Variants in CPEB2 observed in about 807,000 individuals in gnomAD.
CPEB2 encodes the protein cytoplasmic polyadenylation element binding protein 2.
CPEB2 carries 56 observed loss-of-function variants against 93.6 expected under a neutral mutation model. The observed-to-expected ratio is 0.60, with a 90% CI of 0.48 to 0.75. CPEB2 has a LOEUF of 0.75. Ranked by LOEUF, CPEB2 falls within the 30% of genes least tolerant of loss-of-function variation. The pLI is 0.00. For missense variants in CPEB2, 1,579 were observed against 1,395.1 expected, an observed-to-expected ratio of 1.13 and a Z score of -2.10; for synonymous variants, 764 against 586.3, an observed-to-expected ratio of 1.30 and a Z score of -4.38.
In CPEB2 at chr4:15,011,856, C is replaced by A. The variant is rs575958751; in HGVS notation, c.2034+3429C>A. Among the ~76,000 whole-genome samples the A allele has an allele frequency of 2.0e-3, 309 of 152,210 alleles. 1 individual carries two copies. Among genetic ancestry groups the A allele is most frequent in the Non-Finnish European group, 3.5e-3 (239 of 68,006 alleles). On this transcript the variant is annotated intron_variant, in intron 3 of 11. Transcript: ENST00000538197. The stretch of plus-strand genomic sequence containing the variant: ...GCCTGCCTTCCACCTGGGGAATTAT[C>A]AATATATCAACTCTCAATTTTTGCT...
Position 15,004,287 on chromosome 4 carries a change from G to T in CPEB2, c.1614G>T (p.Ala538=). The T allele has an allele frequency of 6.7e-7, 1 of 1,493,774 alleles. No homozygotes were observed. The highest frequency in any genetic ancestry group is 8.9e-7 in the Non-Finnish European group (1 of 1,129,576). 92.5% of individuals were successfully genotyped at this position (1,493,774 alleles called of 1,614,324 possible). The change falls in exon 1 of 12, where the codon GCG becomes GCT. Residue 538 remains alanine (A), a synonymous_variant. Transcript: ENST00000538197. ...VSPQLQQQHQ[A]AAAAFLQQRN... is the part of the protein sequence containing the mutation. Reference sequence around the variant, plus strand: ...CGCAGCTCCAGCAGCAGCACCAGGCGGCGGCCGCCGCCTTCCTGCAGCAGA... The same window carrying T: ...CGCAGCTCCAGCAGCAGCACCAGGCTGCGGCCGCCGCCTTCCTGCAGCAGA...
At position 15,007,413 on chromosome 4, in the gene CPEB2, A is replaced by G. The variant is rs1259151468; in HGVS notation, c.1771A>G (p.Met591Val). 1.5e-5 allele frequency: 24 copies of G among 1,614,148 alleles called. No individual in the cohort carries two copies. The highest frequency in any genetic ancestry group is 1.9e-5 in the Non-Finnish European group (23 of 1,179,978). Residue 591 changes from methionine to valine, a missense_variant, in exon 2 of 12, where the codon ATG becomes GTG. Transcript: ENST00000538197. ...HGRDHRRTGN[M>V]GIPGTMNQIS... is the part of the protein sequence containing the mutation. ...CAGAGATCATCGTAGAACCGGAAAC[A>G]TGGGAATCCCAGGAACTATGAATCA... is the stretch of plus-strand genomic sequence containing the variant.
rs1727960376 is a variant in CPEB2 at position 15,048,839 on chromosome 4, A to G, written c.2201-3575A>G. Among the ~76,000 whole-genome samples, 3 of 152,074 alleles carry G rather than the reference A, an allele frequency of 2.0e-5. No individual in the cohort carries two copies. In the South Asian group the frequency reaches 6.2e-4, roughly 31 times the overall value. Reference sequence around the variant, plus strand: ...TATCCTTCTTAGAAAGCATGTTTAAAGTATACTACAGTGGTAGATATAACT... The same window carrying G: ...TATCCTTCTTAGAAAGCATGTTTAAGGTATACTACAGTGGTAGATATAACT... On this transcript the variant is annotated intron_variant, in intron 6 of 11. Coordinates refer to ENST00000538197, the MANE Select transcript of CPEB2 (RefSeq NM_001177382.2).
At position 15,003,556 on chromosome 4, in the gene CPEB2, G is replaced by T; in HGVS notation, c.883G>T (p.Glu295Ter). ...TPAAGEGSAA[E>*]SPNAGLASST... ...AGCCGCGGGCGAGGGCAGCGCCGCC[G>T]AGTCCCCCAATGCGGGCTTGGCCTC... Residue 295 changes from glutamate (E) to a stop codon, truncating the protein, a stop_gained, in exon 1 of 12, where the codon GAG becomes TAG. Transcript: ENST00000538197. LOFTEE classifies it high-confidence loss of function. The T allele has an allele frequency of 6.9e-7, 1 of 1,458,524 alleles. No individual in the cohort carries two copies. The highest frequency in any genetic ancestry group is 9.0e-7 in the Non-Finnish European group (1 of 1,108,154). The allele number at this position is 1,458,524 out of a possible 1,614,324, so 90.3% of individuals were successfully genotyped here.
rs140017645 is a variant in CPEB2, at chr4:15,055,461, C to A, written c.2461+1244C>A. On this transcript the variant is annotated intron_variant, in intron 8 of 11. Transcript: ENST00000538197. Reference sequence around the variant, plus strand: ...CTCTCTTGCCATTTCATAAAGTTTACTTTATAAATGCCATTTTTATTGAAT... The same window carrying A: ...CTCTCTTGCCATTTCATAAAGTTTAATTTATAAATGCCATTTTTATTGAAT... Among the ~76,000 whole-genome samples, 656 of 152,232 alleles carry A rather than the reference C, an allele frequency of 4.3e-3. 5 individuals are homozygous for A. Among genetic ancestry groups the A allele is most frequent in the African/African-American group, 0.015 (614 of 41,548 alleles).
chr4:15,007,209 T>C, intron 1 of CPEB2, 96 bp from the exon 2 acceptor site: 2 of 1,038,728 alleles, frequency 1.9e-6, no homozygotes, highest in Non-Finnish European at 2.7e-6. Flanking sequence ...CCTTTATATA[T>C]TTCATTCATA....
At chr4:15,045,215 A>C (rs1235703107) in intron 6 of CPEB2, among the ~76,000 whole-genome samples, 1 of 152,162 alleles carries the variant, frequency 6.6e-6, no homozygotes, top group Non-Finnish European at 1.5e-5. Context: ...AGAACCTTTA[A>C]TTAGAATCTC....
chr4:15,054,689 G>A (rs920735689), intron 8 of CPEB2, among the ~76,000 whole-genome samples: 16 of 152,094 alleles, frequency 1.1e-4, no homozygotes, highest in African/African-American at 3.4e-4. Context: ...GGAAGACACC[G>A]TGGCTGATCA....
chr4:15,061,615 G>A (rs1364455713), intron 10 of CPEB2, among the ~76,000 whole-genome samples: 1 of 151,296 alleles, frequency 6.6e-6, no homozygotes, highest in Admixed American at 6.6e-5. Flanking sequence ...TGGTTGTAAA[G>A]GGGAACAGAG....
chr4:15,050,142 G>T (rs2109074379), intron 6 of CPEB2, among the ~76,000 whole-genome samples: 2 of 152,346 alleles, frequency 1.3e-5, no homozygotes, highest in South Asian at 4.1e-4. Flanking sequence ...CCACACAGCA[G>T]GAGGTGAGTG....
chr4:15,065,560 A>G lies in CPEB2; in HGVS notation c.2878-593A>G, dbSNP rs569064792. On this transcript the variant is annotated intron_variant, in intron 11 of 11. Transcript: ENST00000538197. ...TTATTCCCACTTGACAGATGTGGAA[A>G]CTGAGGTGGAGAAGTTTATCATTCA... Among the ~76,000 whole-genome samples, 3 of 152,246 alleles carry G rather than the reference A, an allele frequency of 2.0e-5. No individual in the cohort carries two copies. In the South Asian group the frequency reaches 6.2e-4, roughly 32 times the overall value.
At chr4:15,039,063 A>G (rs780347574) in intron 5 of CPEB2, among the ~76,000 whole-genome samples, 1 of 152,200 alleles carries the variant, frequency 6.6e-6, no homozygotes, top group Non-Finnish European at 1.5e-5. Flanking sequence ...TATATAGGTC[A>G]GGTAAGCTAT....
chr4:15,036,997 T>C (rs1726672773), intron 5 of CPEB2, among the ~76,000 whole-genome samples: 1 of 152,058 alleles, frequency 6.6e-6, no homozygotes, highest in African/African-American at 2.4e-5. Flanking sequence ...TTCTTTTGGG[T>C]CTTGAAAAGG....
intron 4 of CPEB2, among the ~76,000 whole-genome samples, chr4:15,024,329 A>G (rs868052319): frequency 6.6e-6 from 1 of 152,118 alleles, no homozygotes; most frequent in Admixed American, 6.6e-5. Flanking sequence ...CTAATGGGAC[A>G]TACATTTTGA....
chr4:15,042,239 A>G (rs1727255288), intron 6 of CPEB2, among the ~76,000 whole-genome samples: 1 of 152,174 alleles, frequency 6.6e-6, no homozygotes. Flanking sequence ...TCATGTAAAT[A>G]TCATGACCTA....
intron 4 of CPEB2, among the ~76,000 whole-genome samples, chr4:15,022,915 G>C (rs1368023396): frequency 6.6e-6 from 1 of 151,958 alleles, no homozygotes; most frequent in Non-Finnish European, 1.5e-5. Flanking sequence ...ATCATGGATG[G>C]AGATAAGTTT....
At chr4:15,011,507 T>C (rs1481089861) in intron 3 of CPEB2, among the ~76,000 whole-genome samples, 1 of 152,130 alleles carries the variant, frequency 6.6e-6, no homozygotes, top group East Asian at 1.9e-4. Flanking sequence ...TTCTAAATTA[T>C]ATTACAATGG....
At chr4:15,042,358 C>A (rs1463146655) in intron 6 of CPEB2, among the ~76,000 whole-genome samples, 1 of 151,948 alleles carries the variant, frequency 6.6e-6, no homozygotes, top group Non-Finnish European at 1.5e-5. Context: ...ATTTTTTTCC[C>A]TGCTTTTATA....
At chr4:15,053,829 G>C (rs540840797) in intron 7 of CPEB2, among the ~76,000 whole-genome samples, 1 of 151,822 alleles carries the variant, frequency 6.6e-6, no homozygotes, top group Non-Finnish European at 1.5e-5. Flanking sequence ...GCTATTTGTG[G>C]TTTGGTGTAC....
Sources: gnomAD v4.1 joint callset for allele counts (sites outside exome capture counted in the v4.1 genomes callset) on GRCh38, gnomAD v4.1.1 for gene constraint, MANE v1.5 for transcripts, NCBI Gene and HGNC (gene_info 2026-07-23, HGNC 2026-07-21) for gene names.